Variants in ADH6 observed in about 807,000 individuals in gnomAD.
ADH6 encodes alcohol dehydrogenase 6.
A neutral mutation model predicts 36.5 loss-of-function variants in ADH6; 34 were observed. The observed-to-expected ratio is 0.93, with a 90% CI of 0.71 to 1.24. The LOEUF (loss-of-function observed/expected upper bound fraction) is 1.24, where lower values mean the gene tolerates loss of function less well. ADH6 is among the 50% of genes most tolerant of loss of function. The pLI is 0.00. For synonymous variants in ADH6, 161 were observed against 155.5 expected, an observed-to-expected ratio of 1.04 and a Z score of -0.26; for missense variants, 440 against 447.0, an observed-to-expected ratio of 0.98 and a Z score of 0.14.
chr4:99,212,285 A>C (rs1482013455), intron 3 of ADH6, among the ~76,000 whole-genome samples: 2 of 152,156 alleles, frequency 1.3e-5, no homozygotes, highest in Non-Finnish European at 2.9e-5. Flanking sequence ...TGTGAACTCT[A>C]TATATTATCA....
chr4:99,217,120 CCGCCT>C (rs1731464460), intron 1 of ADH6, among the ~76,000 whole-genome samples: 1 of 152,162 alleles, frequency 6.6e-6, no homozygotes, highest in Admixed American at 6.5e-5. Flanking sequence ...ACTGCAAGCT[CCGCCT>C]TCCGGGTTCA....
chr4:99,210,016 A>T (rs1011467785), intron 5 of ADH6, 66 bp downstream of exon 5: 9 of 1,499,562 alleles, frequency 6.0e-6, no homozygotes, highest in Non-Finnish European at 8.3e-6. Flanking sequence ...GATGACAAAG[A>T]TGCAAGAGGC....
chr4:99,213,139 G>A (rs149078901), intron 3 of ADH6, among the ~76,000 whole-genome samples: 26 of 152,108 alleles, frequency 1.7e-4, no homozygotes, highest in African/African-American at 6.0e-4. Flanking sequence ...CTATCTAGTT[G>A]TTTCAACACA....
chr4:99,204,504 G>T (rs1730950780), intron 8 of ADH6: 1 of 1,296,590 alleles, frequency 7.7e-7, no homozygotes, highest in African/African-American at 1.5e-5. Flanking sequence ...TTGGGTCAAA[G>T]ATAGGATTCA....
At chr4:99,206,661 T>C (rs1380692939) in intron 7 of ADH6, among the ~76,000 whole-genome samples, 1 of 152,016 alleles carries the variant, frequency 6.6e-6, no homozygotes, top group Non-Finnish European at 1.5e-5. Context: ...CTGCCATAGC[T>C]TACTTGGGGA....
intron 2 of ADH6, among the ~76,000 whole-genome samples, chr4:99,214,233 A>G (rs1731322630): frequency 6.6e-6 from 1 of 152,136 alleles, no homozygotes; most frequent in African/African-American, 2.4e-5. Context: ...CTCTACAATA[A>G]ATAAACAAAT....
At position 99,213,640 on chromosome 4, in the gene ADH6, C is replaced by T; in HGVS notation, c.228G>A (p.Glu76=). 6.2e-7 allele frequency: 1 copy of T among 1,613,648 alleles called. No individual in the cohort carries two copies. Among genetic ancestry groups the T allele is most frequent in the Non-Finnish European group, 8.5e-7 (1 of 1,179,838 alleles). The change falls in exon 3 of 9, where the codon GAG becomes GAA. Residue 76 remains glutamate (E), a synonymous_variant. Transcript: ENST00000394899. ...ILGHEGAGIV[E]SIGEGVSTVK... ...CTGTGCTTACTCCTTCTCCAATACT[C>T]TCAACGATTCCAGCCCCTTCATGGC...
intron 5 of ADH6, 138 bp from the exon 6 acceptor site, chr4:99,209,066 T>C (rs925619280): frequency 2.2e-6 from 2 of 919,920 alleles, no homozygotes; most frequent in Non-Finnish European, 1.6e-6. Context: ...ACATAACATA[T>C]TATAACTACA....
At chr4:99,207,372 C>T (rs1375527701) in intron 7 of ADH6, 74 bp downstream of exon 7, 27 of 1,579,820 alleles carry the variant, frequency 1.7e-5, no homozygotes, top group African/African-American at 5.4e-5. Flanking sequence ...CTTTCTTAAG[C>T]GTTTATGGTA....
intron 8 of ADH6, 35 bp from the exon 9 acceptor site, chr4:99,204,278 AT>A: frequency 6.3e-7 from 1 of 1,594,222 alleles, no homozygotes. Flanking sequence ...AGGTTGGAAC[AT>A]TTTTAGAGCA....
At chr4:99,216,056 A>ATT in intron 2 of ADH6, 105 bp downstream of exon 2, 1 of 522,034 alleles carries the variant, frequency 1.9e-6, no homozygotes, top group Non-Finnish European at 3.2e-6. Context: ...TAGTTTTATT[A>ATT]TTTTTTTTTC....
In ADH6 at chr4:99,202,690, A is replaced by T. The variant is rs1311092803; in HGVS notation, c.*1529T>A. 1 of 397,934 alleles carries T rather than the reference A, an allele frequency of 2.5e-6. No individual in the cohort carries two copies. Among genetic ancestry groups the T allele is most frequent in the Non-Finnish European group, 4.4e-6 (1 of 225,614 alleles). The allele number at this position is 397,934 out of a possible 1,614,324, so 24.7% of individuals were successfully genotyped here. ...AGCAAAGAGTGTGGACACTGTTTAC[A>T]ACAAAACGTTTCCGGGAAAACTTGG... On this transcript the variant is annotated 3_prime_UTR_variant, in exon 9 of 9. Transcript: ENST00000394899.
chr4:99,213,493 A>C, intron 3 of ADH6, 113 bp downstream of exon 3: 1 of 1,038,972 alleles, frequency 9.6e-7, no homozygotes, highest in South Asian at 2.5e-5. Context: ...AAGAAGTTGG[A>C]AACATTTCAC....
intron 5 of ADH6, 89 bp from the exon 6 acceptor site, chr4:99,209,017 T>C: frequency 7.3e-7 from 1 of 1,368,738 alleles, no homozygotes; most frequent in South Asian, 1.5e-5. Context: ...TCTATATGCA[T>C]GTATTTTTTA....
At chr4:99,215,184 A>G (rs1032467596) in intron 2 of ADH6, among the ~76,000 whole-genome samples, 1 of 152,188 alleles carries the variant, frequency 6.6e-6, no homozygotes, top group Non-Finnish European at 1.5e-5. Flanking sequence ...GGATGCGAAC[A>G]ACCCAATAGC....
rs1421858430 is a variant in ADH6, at chr4:99,208,574, C to T, written c.828+94G>A. On this transcript the variant is annotated intron_variant, in intron 6 of 8. Transcript: ENST00000394899. Reference sequence around the variant, plus strand: ...GGAACACAAGGAAAATTAAATAGAGCAAAGTGGAGGGAATTTTAGAAAGCT... The same window carrying T: ...GGAACACAAGGAAAATTAAATAGAGTAAAGTGGAGGGAATTTTAGAAAGCT... 4 of 1,399,382 alleles carry T rather than the reference C, an allele frequency of 2.9e-6. No homozygotes were observed. The African/African-American group carries it at 4.3e-5, about 15-fold the overall frequency. The allele number at this position is 1,399,382 out of a possible 1,614,324, so 86.7% of individuals were successfully genotyped here.
Position 99,209,796 on chromosome 4 carries a change from C to T in ADH6, c.567+286G>A, listed in dbSNP as rs28720155. On this transcript the variant is annotated intron_variant, in intron 5 of 8. Coordinates refer to ENST00000394899, the MANE Select transcript of ADH6 (RefSeq NM_001102470.2). ...GGATAAACTGGAATATGAAAGGCCA[C>T]AGAGTCATGTTGTAACTATGTTAGA... 5.4e-3 allele frequency among the ~76,000 whole-genome samples: 829 copies of T among 152,222 alleles called. 12 individuals are homozygous for T. Among genetic ancestry groups the T allele is most frequent in the African/African-American group, 0.019 (804 of 41,548 alleles).
intron 3 of ADH6, among the ~76,000 whole-genome samples, chr4:99,212,737 A>G (rs1731268115): frequency 6.6e-6 from 1 of 151,722 alleles, no homozygotes; most frequent in South Asian, 2.1e-4. Flanking sequence ...ACACACATAT[A>G]TGTGTATATA....
intron 7 of ADH6, among the ~76,000 whole-genome samples, chr4:99,206,628 C>T (rs182659488): frequency 1.4e-4 from 21 of 151,200 alleles, no homozygotes; most frequent in African/African-American, 5.1e-4. Flanking sequence ...TTAGGTAAGG[C>T]TTCTAATATC....
Sources: gnomAD v4.1 joint callset for allele counts (sites outside exome capture counted in the v4.1 genomes callset) on GRCh38, gnomAD v4.1.1 for gene constraint, MANE v1.5 for transcripts, NCBI Gene and HGNC (gene_info 2026-07-23, HGNC 2026-07-21) for gene names.